Variants in BMS1 observed in about 807,000 individuals in gnomAD.
The protein encoded by BMS1 is BMS1 ribosome biogenesis factor, also known as ribosome biogenesis protein BMS1 homolog.
BMS1 carries 53 observed loss-of-function variants against 138.7 expected under a neutral mutation model. The ratio of observed to expected loss-of-function variants is 0.38; its 90% CI spans 0.31 to 0.48. The LOEUF (loss-of-function observed/expected upper bound fraction) is 0.48. Among genes scored for constraint, BMS1 ranks in the 20% least tolerant of loss-of-function variants. BMS1 has a pLI of 0.97. For missense variants in BMS1, 1,360 were observed against 1,565.5 expected, an observed-to-expected ratio of 0.87 and a Z score of 2.22; for synonymous variants, 504 against 539.9, an observed-to-expected ratio of 0.93 and a Z score of 0.92.
chr10:42,810,718 A>T (rs1183685351), intron 13 of BMS1, among the ~76,000 whole-genome samples: 7 of 151,996 alleles, frequency 4.6e-5, no homozygotes, highest in Non-Finnish European at 1.0e-4. Context: ...ATCTTGCCTG[A>T]ATTTTGGTAG....
intron 13 of BMS1, among the ~76,000 whole-genome samples, chr10:42,809,118 A>G (rs1842094826): frequency 6.6e-6 from 1 of 152,188 alleles, no homozygotes; most frequent in Admixed American, 6.5e-5. Context: ...TATTTTGAGT[A>G]TTAAAATAGA....
intron 12 of BMS1, among the ~76,000 whole-genome samples, chr10:42,799,836 C>G (rs539185237): frequency 4.7e-4 from 71 of 152,294 alleles, no homozygotes; most frequent in African/African-American, 1.6e-3. Flanking sequence ...TTTACTTTTA[C>G]TTGGTCTTCA....
chr10:42,794,853 G>A (rs1016989688), intron 9 of BMS1, among the ~76,000 whole-genome samples: 23 of 151,442 alleles, frequency 1.5e-4, no homozygotes, highest in African/African-American at 2.2e-4. Flanking sequence ...ATGCTGGTGC[G>A]CTGCACCCAC....
rs774653178 is a variant in BMS1, at chr10:42,820,585, G to A, written c.2847G>A (p.Arg949=). 3 of 1,611,602 alleles carry A rather than the reference G, an allele frequency of 1.9e-6. No homozygotes were observed. The highest frequency in any genetic ancestry group is 2.5e-6 in the Non-Finnish European group (3 of 1,179,650). Residue 949 remains arginine, a synonymous_variant, in exon 17 of 23, where the codon AGG becomes AGA. Coordinates refer to ENST00000374518, the MANE Select transcript of BMS1 (RefSeq NM_014753.4). ...CAATCATATTTTCTGTAGGGTGGAG[G>A]AGGTTTCAGACCATCCCACTGTATT... The part of the protein sequence containing the change: ...RDPIIFSVGW[R]RFQTIPLYYI...
At chr10:42,790,880 T>C (rs1158134032) in intron 5 of BMS1, among the ~76,000 whole-genome samples, 1 of 152,158 alleles carries the variant, frequency 6.6e-6, no homozygotes, top group East Asian at 1.9e-4. Flanking sequence ...GAGACATTAC[T>C]AAACGTCTCT....
intron 19 of BMS1, among the ~76,000 whole-genome samples, chr10:42,822,434 CAT>C (rs1359078240): frequency 6.6e-6 from 1 of 152,130 alleles, no homozygotes; most frequent in African/African-American, 2.4e-5. Flanking sequence ...ATATTGAACT[CAT>C]ATTGAACTCA....
chr10:42,797,613 T>A, intron 11 of BMS1, 90 bp downstream of exon 11: 1 of 1,266,052 alleles, frequency 7.9e-7, no homozygotes, highest in Non-Finnish European at 1.1e-6. Flanking sequence ...CTGGTATTGT[T>A]GACATCCATA....
At chr10:42,821,242 A>G (rs139914966) in intron 18 of BMS1, among the ~76,000 whole-genome samples, 175 of 152,242 alleles carry the variant, frequency 1.1e-3, no homozygotes, top group Non-Finnish European at 2.2e-3. Flanking sequence ...CTAAGCAAGT[A>G]CTTAAGCAGT....
chr10:42,811,520 C>CTTTTTTTTT lies in BMS1; in HGVS notation c.2330-5074_2330-5073insTTTTTTTTT, dbSNP rs879940551. Among the ~76,000 whole-genome samples, 55 of 121,570 alleles carry CTTTTTTTTT rather than the reference C, an allele frequency of 4.5e-4. 7 individuals are homozygous for CTTTTTTTTT. The highest frequency in any genetic ancestry group is 1.6e-3 in the African/African-American group (48 of 29,868). 79.8% of individuals were successfully genotyped at this position (121,570 alleles called of 152,430 possible). On this transcript the variant is annotated intron_variant, in intron 13 of 22. Transcript: ENST00000374518. Reference sequence around the variant, plus strand: ...CACAAATGTTCACGTGTTGTATTTTCTTTTTCTTTTTTTTTTTTTTTTGAG... The same window carrying CTTTTTTTTT: ...CACAAATGTTCACGTGTTGTATTTTCTTTTTTTTTTTTTTCTTTTTTTTTTTTTTTTGAG...
intron 13 of BMS1, among the ~76,000 whole-genome samples, chr10:42,807,608 A>G (rs1842049648): frequency 6.6e-6 from 1 of 152,116 alleles, no homozygotes; most frequent in Non-Finnish European, 1.5e-5. Context: ...AGGAGCTGGG[A>G]CTACAGGCAT....
Position 42,796,622 on chromosome 10 carries a change from T to A in BMS1, c.1378T>A (p.Ser460Thr). ...MSEDDGLENG[S>T]SDEEAEEEEN... ...TGAAGATGACGGGTTGGAAAACGGC[T>A]CTAGTGATGAGGAAGCAGAAGAGGA... Residue 460 changes from serine (S) to threonine (T), a missense_variant, in exon 10 of 23, where the codon TCT becomes ACT. Physicochemically the swap from Ser to Thr is moderately conservative, Grantham distance 58. Transcript: ENST00000374518. The A allele has an allele frequency of 6.2e-7, 1 of 1,614,084 alleles. No individual in the cohort carries two copies. Among genetic ancestry groups the A allele is most frequent in the Non-Finnish European group, 8.5e-7 (1 of 1,180,030 alleles).
At chr10:42,802,376 T>C (rs2132331632) in intron 13 of BMS1, among the ~76,000 whole-genome samples, 158 bp downstream of exon 13, 1 of 152,386 alleles carries the variant, frequency 6.6e-6, no homozygotes, top group South Asian at 2.1e-4. Context: ...TGGGTTTTCC[T>C]TTTATGATGA....
intron 21 of BMS1, 24 bp downstream of exon 21, chr10:42,823,808 G>A: frequency 6.6e-7 from 1 of 1,512,440 alleles, no homozygotes; most frequent in African/African-American, 1.4e-5. Flanking sequence ...GTGTGTTAGT[G>A]GAGATGAAGC....
Position 42,785,655 on chromosome 10 carries a change from C to A in BMS1, c.350C>A (p.Pro117His). The change falls in exon 3 of 23, where the codon CCT becomes CAT. Residue 117 changes from proline (P) to histidine (H), a missense_variant. By Grantham distance (77) the Pro-to-His change is moderately conservative. This residue lies in a region of BMS1 where 238 missense variants were observed against 311.1 expected (regional missense o/e 0.77). Coordinates refer to ENST00000374518, the MANE Select transcript of BMS1 (RefSeq NM_014753.4). ...CAGAAGTTGACTGAGATCAGAGGCC[C>A]TGTGACGATTGTGTCAGGTAGGAGA... ...TRQKLTEIRG[P>H]VTIVSGKKRR... is the part of the protein sequence containing the mutation. 6.2e-7 allele frequency: 1 copy of A among 1,613,706 alleles called. No individual in the cohort carries two copies. Among genetic ancestry groups the A allele is most frequent in the Non-Finnish European group, 8.5e-7 (1 of 1,179,702 alleles).
chr10:42,828,053 G>T (rs928862714), intron 21 of BMS1, among the ~76,000 whole-genome samples: 1 of 152,198 alleles, frequency 6.6e-6, no homozygotes, highest in African/African-American at 2.4e-5. Context: ...TCATAAGTGT[G>T]CAGCTAGATG....
chr10:42,812,551 T>C (rs1236613434), intron 13 of BMS1, among the ~76,000 whole-genome samples: 5 of 152,166 alleles, frequency 3.3e-5, no homozygotes, highest in African/African-American at 1.2e-4. Flanking sequence ...TTTCACCCCA[T>C]TGGTGAAGGA....
chr10:42,798,953 T>A (rs1450750056), intron 12 of BMS1, among the ~76,000 whole-genome samples: 2 of 152,228 alleles, frequency 1.3e-5, no homozygotes, highest in African/African-American at 4.8e-5. Flanking sequence ...GTAGCATCCC[T>A]GAGTTAACAT....
In BMS1 at chr10:42,792,677, T is replaced by G. The variant is rs1841545926; in HGVS notation, c.901+63T>G. 9.0e-6 allele frequency: 14 copies of G among 1,554,008 alleles called. No individual in the cohort carries two copies. In the South Asian group the frequency reaches 1.4e-4, roughly 16 times the overall value. ...AGGATTCTTGGGATGGCTTCATTTC[T>G]CAGGAAAACTGAAAAATGACCAAAC... On this transcript the variant is annotated intron_variant, in intron 7 of 22. Coordinates refer to ENST00000374518, the MANE Select transcript of BMS1 (RefSeq NM_014753.4).
intron 21 of BMS1, among the ~76,000 whole-genome samples, chr10:42,825,764 G>A (rs1195986733): frequency 1.3e-5 from 2 of 152,046 alleles, no homozygotes; most frequent in Non-Finnish European, 2.9e-5. Context: ...TAATTTAGTT[G>A]CCTTTTTTTT....
Sources: gnomAD v4.1 joint callset for allele counts (sites outside exome capture counted in the v4.1 genomes callset) on GRCh38, gnomAD v4.1.1 for gene constraint, gnomAD v4.1.1 regional missense constraint, MANE v1.5 for transcripts, NCBI Gene and HGNC (gene_info 2026-07-23, HGNC 2026-07-21) for gene names.